The following CASR variants were observed in gnomAD, a reference collection of about 807,000 sequenced individuals.
CASR encodes the protein calcium sensing receptor.
A neutral mutation model predicts 69.1 loss-of-function variants in CASR; 23 were observed. That is an observed-to-expected ratio of 0.33 (90% CI 0.24 to 0.47). The LOEUF (loss-of-function observed/expected upper bound fraction) is 0.47. Ranked by LOEUF, CASR falls within the 20% of genes least tolerant of loss-of-function variation. CASR has a pLI of 1.00. For synonymous variants in CASR, 541 were observed against 544.7 expected (o/e 0.99, Z 0.10); for missense variants, 924 against 1,356.1 (o/e 0.68, Z 5.00).
chr3:122,228,018 G>A (rs1250963843), intron 1 of CASR, among the ~76,000 whole-genome samples: 1 of 152,220 alleles, frequency 6.6e-6, no homozygotes, highest in Non-Finnish European at 1.5e-5. Flanking sequence ...GCCTGTGAAG[G>A]ACACCAGCAG....
At chr3:122,252,409 A>AGAAGAAAGAAAGAAAGAAAG in intron 1 of CASR, among the ~76,000 whole-genome samples, 1 of 6,474 alleles carries the variant, frequency 1.5e-4, no homozygotes, top group East Asian at 9.6e-4. Flanking sequence ...GAAGGAAGGA[A>AGAAGAAAGAAAGAAAGAAAG]AAAGAAAGAA....
intron 5 of CASR, among the ~76,000 whole-genome samples, chr3:122,281,156 A>T (rs2074882633): frequency 6.6e-6 from 1 of 152,216 alleles, no homozygotes; most frequent in Admixed American, 6.5e-5. Context: ...GCACACAACA[A>T]AAGGTGAAGG....
intron 1 of CASR, among the ~76,000 whole-genome samples, chr3:122,229,664 C>G (rs1277326568): frequency 1.3e-5 from 2 of 152,158 alleles, no homozygotes; most frequent in African/African-American, 4.8e-5. Flanking sequence ...AAGTTCGAGA[C>G]CAGCCTGGCC....
chr3:122,205,738 A>G (rs2074000520), intron 1 of CASR, among the ~76,000 whole-genome samples: 1 of 151,846 alleles, frequency 6.6e-6, no homozygotes, highest in African/African-American at 2.4e-5. Context: ...GTCCTCTTCA[A>G]TTTCTTTTAT....
intron 1 of CASR, among the ~76,000 whole-genome samples, chr3:122,225,692 C>G (rs2074216180): frequency 6.6e-6 from 1 of 152,024 alleles, no homozygotes; most frequent in Admixed American, 6.6e-5. Context: ...TAAAATAGAA[C>G]TATCATTTGA....
intron 1 of CASR, among the ~76,000 whole-genome samples, chr3:122,253,179 C>G (rs2074516413): frequency 6.6e-6 from 1 of 152,176 alleles, no homozygotes; most frequent in African/African-American, 2.4e-5. Context: ...AATAAGTGGT[C>G]TTTTCCAACA....
chr3:122,263,414 A>G (rs575942860), intron 4 of CASR, among the ~76,000 whole-genome samples: 35 of 152,226 alleles, frequency 2.3e-4, no homozygotes, highest in Non-Finnish European at 4.4e-4. Flanking sequence ...ATTAAATGAC[A>G]TGATATATGT....
At chr3:122,232,156 T>A (rs1024293654) in intron 1 of CASR, among the ~76,000 whole-genome samples, 6 of 152,172 alleles carry the variant, frequency 3.9e-5, no homozygotes, top group East Asian at 1.9e-4. Context: ...CCCTTTTTTT[T>A]ATTGTACTAT....
Position 122,275,912 on chromosome 3 carries a change from A to G in CASR, c.1478A>G (p.Asn493Ser), listed in dbSNP as rs140347078. 1.1e-5 allele frequency: 17 copies of G among 1,613,834 alleles called. No individual in the cohort carries two copies. The highest frequency in any genetic ancestry group is 1.7e-5 in the Admixed American group (1 of 60,012). Residue 493 changes from asparagine to serine, a missense_variant, in exon 5 of 7, where the codon AAC (asparagine) becomes AGC (serine). Asn to Ser is a conservative substitution (Grantham distance 46, BLOSUM62 1). This residue lies in a region of CASR where 310 missense variants were observed against 395.7 expected (regional missense o/e 0.78). Coordinates refer to ENST00000639785, the MANE Select transcript of CASR (RefSeq NM_000388.4). ...CTGGTGGGGAACTATTCCATCATCA[A>G]CTGGCACCTCTCCCCAGAGGATGGC... ...GDLVGNYSII[N>S]WHLSPEDGSI...
intron 5 of CASR, among the ~76,000 whole-genome samples, chr3:122,278,327 G>T (rs2074847186): frequency 1.3e-5 from 2 of 152,128 alleles, no homozygotes; most frequent in Non-Finnish European, 2.9e-5. Context: ...TGACACTGAG[G>T]TTTTAGGATG....
At position 122,257,136 on chromosome 3, in the gene CASR, A is replaced by T; in HGVS notation, c.241A>T (p.Ile81Leu). 1 of 1,614,072 alleles carries T rather than the reference A, an allele frequency of 6.2e-7. No homozygotes were observed. Among genetic ancestry groups the T allele is most frequent in the Non-Finnish European group, 8.5e-7 (1 of 1,179,972 alleles). Reference protein sequence around the residue: ...LQAMIFAIEEINSSPALLPNL... With the variant: ...LQAMIFAIEELNSSPALLPNL... Reference sequence around the variant, plus strand: ...GGCTATGATATTTGCCATAGAGGAGATAAACAGCAGCCCAGCCCTTCTTCC... The same window carrying T: ...GGCTATGATATTTGCCATAGAGGAGTTAAACAGCAGCCCAGCCCTTCTTCC... The change falls in exon 3 of 7, where the codon ATA (isoleucine) becomes TTA (leucine). Residue 81 changes from isoleucine to leucine, a missense_variant. This residue lies in a region of CASR where 141 missense variants were observed against 283.0 expected (regional missense o/e 0.50). Coordinates refer to ENST00000639785, the MANE Select transcript of CASR (RefSeq NM_000388.4).
intron 1 of CASR, among the ~76,000 whole-genome samples, chr3:122,238,252 A>C (rs1407359092): frequency 6.6e-6 from 1 of 152,168 alleles, no homozygotes; most frequent in Non-Finnish European, 1.5e-5. Flanking sequence ...ATTTTGGGGA[A>C]GGAGAGCACA....
At chr3:122,188,256 T>G (rs548882845) in intron 1 of CASR, among the ~76,000 whole-genome samples, 1 of 152,324 alleles carries the variant, frequency 6.6e-6, no homozygotes, top group African/African-American at 2.4e-5. Context: ...GCAGCAGCCA[T>G]GGAGAAAACT....
chr3:122,258,855 T>G lies in CASR; in HGVS notation c.492+1468T>G, dbSNP rs1214352786. ...CGCAAAGATCAAGGTTTAATTGAGC[T>G]GAGATGCAGCCTAGGTGTCGGGAGG... On this transcript the variant is annotated intron_variant, in intron 3 of 6. Transcript: ENST00000639785. 3.3e-5 allele frequency among the ~76,000 whole-genome samples: 5 copies of G among 151,958 alleles called. No homozygotes were observed. In the East Asian group the frequency reaches 9.6e-4, roughly 29 times the overall value.
intron 1 of CASR, among the ~76,000 whole-genome samples, chr3:122,231,062 C>G (rs965498601): frequency 4.6e-5 from 7 of 152,174 alleles, no homozygotes; most frequent in Admixed American, 3.9e-4. Context: ...TGAGGGTCAT[C>G]ATCCACCTGC....
intron 1 of CASR, among the ~76,000 whole-genome samples, chr3:122,239,486 A>C (rs2074360369): frequency 6.6e-6 from 1 of 152,194 alleles, no homozygotes; most frequent in Non-Finnish European, 1.5e-5. Context: ...CGCCTGGGGG[A>C]ACTCACTGCC....
rs1302548254 is a variant in CASR, at chr3:122,285,007, G to C, written c.3053G>C (p.Cys1018Ser). The change falls in exon 7 of 7, where the codon TGC becomes TCC. Residue 1018 changes from cysteine (C) to serine (S), a missense_variant. Physicochemically the swap from Cys to Ser is moderately radical, Grantham distance 112. Coordinates refer to ENST00000639785, the MANE Select transcript of CASR (RefSeq NM_000388.4). ...TRHEPLLPLQCGETDLDLTVQ... is the reference protein window; with the variant it reads ...TRHEPLLPLQSGETDLDLTVQ... ...CACGAGCCATTACTCCCGCTGCAGT[G>C]CGGGGAAACGGACTTAGATCTGACC... 2 of 1,614,234 alleles carry C rather than the reference G, an allele frequency of 1.2e-6. No individual in the cohort carries two copies. Among genetic ancestry groups the C allele is most frequent in the South Asian group, 2.2e-5 (2 of 91,088 alleles).
chr3:122,281,146 G>A (rs2074882475), intron 5 of CASR, among the ~76,000 whole-genome samples: 1 of 152,176 alleles, frequency 6.6e-6, no homozygotes, highest in South Asian at 2.1e-4. Flanking sequence ...TTAACCAGAA[G>A]CACACAACAA....
chr3:122,262,289 C>T lies in CASR; in HGVS notation c.1254C>T (p.Tyr418=), dbSNP rs1325695500. ...YIDYTHLRIS[Y]NVYLAVYSIA... The stretch of plus-strand genomic sequence containing the variant: ...ATTACACGCATTTACGGATATCCTA[C>T]AATGTGTACTTAGCAGTCTACTCCA... The change falls in exon 4 of 7, where the codon TAC becomes TAT. Residue 418 remains tyrosine, a synonymous_variant. Coordinates refer to ENST00000639785, the MANE Select transcript of CASR (RefSeq NM_000388.4). 7 of 1,614,040 alleles carry T rather than the reference C, an allele frequency of 4.3e-6. No individual in the cohort carries two copies. The highest frequency in any genetic ancestry group is 1.3e-5 in the African/African-American group (1 of 75,032).
Sources: allele counts gnomAD v4.1 joint callset (sites outside exome capture counted in the v4.1 genomes callset), GRCh38; gene constraint gnomAD v4.1.1; regional missense constraint gnomAD v4.1.1; transcripts MANE v1.5; gene names NCBI Gene and HGNC (gene_info 2026-07-23, HGNC 2026-07-21).